Variants in PRR5L observed in about 807,000 individuals in gnomAD.
PRR5L encodes the protein proline-rich protein 5-like.
In PRR5L, 21 loss-of-function variants were observed where a neutral mutation model predicts 36.4. The ratio of observed to expected loss-of-function variants is 0.58; its 90% CI spans 0.41 to 0.83. The LOEUF is 0.83. PRR5L is among the 40% of genes least tolerant of loss of function. The pLI, the probability that PRR5L is intolerant of heterozygous loss-of-function variation, is 0.00. For synonymous variants in PRR5L, 188 were observed against 197.0 expected (o/e 0.95, Z 0.38); for missense variants, 381 against 473.3 (o/e 0.80, Z 1.81).
At chr11:36,367,047 A>G (rs1857151643) in intron 1 of PRR5L, among the ~76,000 whole-genome samples, 1 of 152,144 alleles carries the variant, frequency 6.6e-6, no homozygotes, top group East Asian at 1.9e-4. Context: ...TCATGTGATT[A>G]TGTTCCTTAT....
At chr11:36,349,459 A>G (rs1460060936) in intron 1 of PRR5L, among the ~76,000 whole-genome samples, 6 of 152,110 alleles carry the variant, frequency 3.9e-5, no homozygotes, top group African/African-American at 1.4e-4. Flanking sequence ...GAGGGGAAAC[A>G]GGAGGCCCGA....
At chr11:36,374,817 T>C (rs1857236917) in intron 1 of PRR5L, among the ~76,000 whole-genome samples, 1 of 152,200 alleles carries the variant, frequency 6.6e-6, no homozygotes. Context: ...GTTAAGTAAC[T>C]TGGCTAATAA....
intron 4 of PRR5L, among the ~76,000 whole-genome samples, chr11:36,430,397 T>TC (rs1299109690): frequency 6.6e-6 from 1 of 152,110 alleles, no homozygotes; most frequent in Non-Finnish European, 1.5e-5. Flanking sequence ...GGGTGACAGA[T>TC]CAAGACTCCA....
chr11:36,418,821 A>G (rs1858203569), intron 3 of PRR5L, among the ~76,000 whole-genome samples: 1 of 152,014 alleles, frequency 6.6e-6, no homozygotes, highest in African/African-American at 2.4e-5. Flanking sequence ...ATAAATAATT[A>G]CTCCTACCCC....
intron 5 of PRR5L, among the ~76,000 whole-genome samples, chr11:36,433,893 C>T (rs1188054939): frequency 2.6e-5 from 4 of 152,030 alleles, no homozygotes; most frequent in African/African-American, 9.7e-5. Flanking sequence ...AAGACAACTG[C>T]GTGGTAAAGG....
At chr11:36,391,261 G>A (rs771558334) in intron 1 of PRR5L, among the ~76,000 whole-genome samples, 1 of 152,104 alleles carries the variant, frequency 6.6e-6, no homozygotes, top group Non-Finnish European at 1.5e-5. Flanking sequence ...TCAAAGGTTG[G>A]AGCCCTAGTG....
At chr11:36,337,919 A>C (rs1048684931) in intron 1 of PRR5L, among the ~76,000 whole-genome samples, 1 of 152,252 alleles carries the variant, frequency 6.6e-6, no homozygotes, top group Non-Finnish European at 1.5e-5. Context: ...TGATATATTC[A>C]TCAGGGAGGT....
chr11:36,326,661 C>T (rs2133468509), intron 1 of PRR5L, among the ~76,000 whole-genome samples: 1 of 152,220 alleles, frequency 6.6e-6, no homozygotes, highest in South Asian at 2.1e-4. Context: ...CTGTGGTATG[C>T]TGAACAGGCT....
chr11:36,398,266 C>T (rs1266640416), intron 1 of PRR5L: 2 of 152,420 alleles, frequency 1.3e-5, no homozygotes, highest in East Asian at 3.8e-4. Flanking sequence ...TTTGCTATAC[C>T]TTTGTCATCT....
At chr11:36,375,683 C>T (rs1857247208) in intron 1 of PRR5L, among the ~76,000 whole-genome samples, 1 of 152,136 alleles carries the variant, frequency 6.6e-6, no homozygotes, top group South Asian at 2.1e-4. Flanking sequence ...CAAAAAACAA[C>T]AAGAACAACA....
intron 8 of PRR5L, among the ~76,000 whole-genome samples, chr11:36,458,334 A>G (rs533256786): frequency 1.2e-4 from 18 of 152,336 alleles, no homozygotes; most frequent in African/African-American, 4.1e-4. Context: ...AACGGGGCTG[A>G]GCCTCAGTCT....
At chr11:36,351,766 TTTATATATATTTATATA>T (rs1295004540) in intron 1 of PRR5L, among the ~76,000 whole-genome samples, 1 of 26,800 alleles carries the variant, frequency 3.7e-5, no homozygotes, top group Non-Finnish European at 6.8e-5. Flanking sequence ...TATTTATATA[TTTATATATATTTATATA>T]TTTTTTTTAT....
intron 1 of PRR5L, chr11:36,398,758 A>C (rs913931935): frequency 6.6e-6 from 1 of 152,186 alleles, no homozygotes; most frequent in Admixed American, 6.6e-5. Flanking sequence ...GTGGACGGGG[A>C]CAGGAGCCAG....
At chr11:36,414,370 C>T (rs1307157929) in intron 3 of PRR5L, among the ~76,000 whole-genome samples, 2 of 148,982 alleles carry the variant, frequency 1.3e-5, no homozygotes, top group African/African-American at 2.5e-5. Context: ...TCCTCTCCAG[C>T]ACCTGTTGTT....
At chr11:36,459,699 G>A (rs911422692) in intron 8 of PRR5L, among the ~76,000 whole-genome samples, 4 of 152,350 alleles carry the variant, frequency 2.6e-5, no homozygotes, top group Non-Finnish European at 5.9e-5. Flanking sequence ...AAGATGCTCA[G>A]ATCAGCACCG....
At chr11:36,459,654 C>A (rs1320196842) in intron 8 of PRR5L, among the ~76,000 whole-genome samples, 5 of 152,206 alleles carry the variant, frequency 3.3e-5, no homozygotes, top group African/African-American at 1.2e-4. Flanking sequence ...GTACCCAGCT[C>A]ATTGGGTTGA....
At chr11:36,365,082 T>C (rs1346448393) in intron 1 of PRR5L, among the ~76,000 whole-genome samples, 1 of 152,220 alleles carries the variant, frequency 6.6e-6, no homozygotes, top group African/African-American at 2.4e-5. Context: ...GTAAACTCAG[T>C]AAATAATGGC....
At chr11:36,409,539 C>T (rs1366985760) in intron 3 of PRR5L, among the ~76,000 whole-genome samples, 2 of 152,144 alleles carry the variant, frequency 1.3e-5, no homozygotes, top group Admixed American at 6.5e-5. Flanking sequence ...AATCCACCTC[C>T]GATTTTTCCA....
intron 1 of PRR5L, among the ~76,000 whole-genome samples, chr11:36,310,979 A>AGTGAGAC (rs1271370138): frequency 2.5e-5 from 3 of 119,504 alleles, no homozygotes; most frequent in African/African-American, 1.0e-4. Flanking sequence ...CTGGTGACAG[A>AGTGAGAC]GTGAGACTCC....
Sources: gnomAD v4.1 joint callset for allele counts (sites outside exome capture counted in the v4.1 genomes callset) on GRCh38, gnomAD v4.1.1 for gene constraint, MANE v1.5 for transcripts, NCBI Gene and HGNC (gene_info 2026-07-23, HGNC 2026-07-21) for gene names.